Variants in HECW2 observed in about 807,000 individuals in gnomAD.
HECW2 encodes the protein HECT, C2 and WW domain containing E3 ubiquitin protein ligase 2.
HECW2 carries 61 observed loss-of-function variants against 175.2 expected under a neutral mutation model. The observed-to-expected ratio is 0.35, with a 90% confidence interval of 0.28 to 0.43. The LOEUF (loss-of-function observed/expected upper bound fraction) is 0.43. Among genes scored for constraint, HECW2 ranks in the 20% least tolerant of loss-of-function variants. The pLI is 1.00. For missense variants in HECW2, 1,524 were observed against 2,000.5 expected (o/e 0.76, Z 4.54); for synonymous variants, 671 against 731.0 (o/e 0.92, Z 1.32).
intron 17 of HECW2, among the ~76,000 whole-genome samples, chr2:196,267,770 G>A (rs1689571414): frequency 6.6e-6 from 1 of 152,082 alleles, no homozygotes; most frequent in Admixed American, 6.5e-5. Flanking sequence ...TGAATCACAA[G>A]CAAACCAAGA....
chr2:196,537,588 C>T (rs1467372684), intron 1 of HECW2, among the ~76,000 whole-genome samples: 1 of 152,046 alleles, frequency 6.6e-6, no homozygotes, highest in Admixed American at 6.6e-5. Flanking sequence ...GTGTCAGAGG[C>T]GTTCGAACCA....
intron 2 of HECW2, among the ~76,000 whole-genome samples, chr2:196,367,355 T>C (rs1021433493): frequency 6.6e-6 from 1 of 152,312 alleles, no homozygotes; most frequent in East Asian, 1.9e-4. Flanking sequence ...TTTTTAATTG[T>C]TGTGGGTACA....
chr2:196,415,270 G>A (rs78173547), intron 2 of HECW2, among the ~76,000 whole-genome samples: 3,402 of 152,298 alleles, frequency 0.022, 74 homozygotes, highest in South Asian at 0.093. Context: ...CATGTTAAAA[G>A]TGTAGTAGGA....
At chr2:196,364,748 A>T (rs1693697581) in intron 2 of HECW2, among the ~76,000 whole-genome samples, 1 of 152,252 alleles carries the variant, frequency 6.6e-6, no homozygotes, top group East Asian at 1.9e-4. Context: ...AACATTAAAT[A>T]AATATAAAAT....
chr2:196,333,495 A>C (rs532954398), intron 4 of HECW2, among the ~76,000 whole-genome samples: 1 of 152,334 alleles, frequency 6.6e-6, no homozygotes, highest in South Asian at 2.1e-4. Context: ...AAATGCAAGC[A>C]TCTATAAATG....
intron 28 of HECW2, among the ~76,000 whole-genome samples, chr2:196,207,722 T>G (rs904158648): frequency 1.3e-5 from 2 of 152,232 alleles, no homozygotes; most frequent in African/African-American, 2.4e-5. Context: ...GGTTCGGCAC[T>G]TAGTAAAGCC....
intron 1 of HECW2, among the ~76,000 whole-genome samples, chr2:196,465,855 C>T (rs1365735043): frequency 6.6e-6 from 1 of 151,990 alleles, no homozygotes; most frequent in African/African-American, 2.4e-5. Flanking sequence ...ATGTACAATG[C>T]AATCATTCCC....
At chr2:196,361,968 G>A (rs1008184473) in intron 2 of HECW2, 15 of 985,226 alleles carry the variant, frequency 1.5e-5, no homozygotes, top group African/African-American at 5.2e-5. Context: ...AAGTCAAGGC[G>A]GGTCTGGAGT....
chr2:196,537,091 T>C lies in HECW2; in HGVS notation c.-36+56417A>G, dbSNP rs149043875. On this transcript the variant is annotated intron_variant, in intron 1 of 28. Coordinates refer to ENST00000644978, the MANE Select transcript of HECW2 (RefSeq NM_001348768.2). ...GGAAGAAGGAAGAAAGCTATTCTTC[T>C]TCCTTCTCCCTCCATATCTCAGGCC... 5.9e-3 allele frequency among the ~76,000 whole-genome samples: 892 copies of C among 152,316 alleles called. 2 individuals are homozygous for C. The highest frequency in any genetic ancestry group is 9.5e-3 in the Non-Finnish European group (647 of 68,032).
chr2:196,278,433 A>G (rs1482172004), intron 15 of HECW2, 95 bp downstream of exon 15: 6 of 1,424,712 alleles, frequency 4.2e-6, no homozygotes, highest in Non-Finnish European at 5.7e-6. Flanking sequence ...AAAAAAAGAA[A>G]AAATGCTTTA....
Position 196,537,749 on chromosome 2 carries a change from G to T in HECW2, c.-36+55759C>A, listed in dbSNP as rs11695857. On this transcript the variant is annotated intron_variant, in intron 1 of 28. Transcript: ENST00000644978. The stretch of plus-strand genomic sequence containing the variant: ...ACTAAACAGACCCAGACTTGGGAGT[G>T]TCCAGATATCCCGATATCTGGAGAA... Among the ~76,000 whole-genome samples, 1,304 of 152,296 alleles carry T rather than the reference G, an allele frequency of 8.6e-3. 5 individuals are homozygous for T. The highest frequency in any genetic ancestry group is 0.014 in the Non-Finnish European group (957 of 68,016).
intron 2 of HECW2, among the ~76,000 whole-genome samples, chr2:196,351,374 G>A (rs1230286309): frequency 6.6e-6 from 1 of 151,878 alleles, no homozygotes; most frequent in Non-Finnish European, 1.5e-5. Context: ...AAGATAATAA[G>A]AGAATATATA....
intron 1 of HECW2, among the ~76,000 whole-genome samples, chr2:196,530,935 C>A (rs1314348207): frequency 3.3e-5 from 5 of 152,172 alleles, no homozygotes; most frequent in African/African-American, 4.8e-5. Context: ...CATGAGTTCT[C>A]GCACATGTTC....
At chr2:196,577,665 T>C (rs758113996) in intron 1 of HECW2, among the ~76,000 whole-genome samples, 4 of 152,168 alleles carry the variant, frequency 2.6e-5, no homozygotes, top group East Asian at 1.9e-4. Flanking sequence ...TAAGGCAGAA[T>C]TGTCAACTGT....
chr2:196,254,098 G>A, intron 18 of HECW2, 69 bp from the exon 19 acceptor site: 1 of 1,585,340 alleles, frequency 6.3e-7, no homozygotes, highest in Non-Finnish European at 8.6e-7. Flanking sequence ...AATCCCAAAG[G>A]AGTAGAATAT....
intron 1 of HECW2, among the ~76,000 whole-genome samples, chr2:196,457,796 G>A (rs1382373421): frequency 6.7e-6 from 1 of 149,176 alleles, no homozygotes; most frequent in African/African-American, 2.5e-5. Context: ...TTTTCTCAGA[G>A]CATACTCATA....
At chr2:196,324,897 A>G in intron 6 of HECW2, 83 bp downstream of exon 6, 1 of 1,160,314 alleles carries the variant, frequency 8.6e-7, no homozygotes, top group Non-Finnish European at 1.2e-6. Context: ...AAACAACCTG[A>G]GGGATGCAAA....
At chr2:196,204,141 A>G (rs1028077882) in intron 28 of HECW2, among the ~76,000 whole-genome samples, 2 of 152,102 alleles carry the variant, frequency 1.3e-5, no homozygotes, top group Non-Finnish European at 2.9e-5. Flanking sequence ...CCGTTTGGCT[A>G]TTGTAAATAA....
intron 14 of HECW2, among the ~76,000 whole-genome samples, chr2:196,283,273 A>T (rs1459678850): frequency 6.6e-6 from 1 of 151,134 alleles, no homozygotes; most frequent in East Asian, 1.9e-4. Flanking sequence ...AAAAAAAAAA[A>T]AAAAAAAAAA....
Sources: gnomAD v4.1 joint callset for allele counts (sites outside exome capture counted in the v4.1 genomes callset) on GRCh38, gnomAD v4.1.1 for gene constraint, MANE v1.5 for transcripts, NCBI Gene and HGNC (gene_info 2026-07-23, HGNC 2026-07-21) for gene names.